LRP1B: variants seen among roughly 807,000 people sequenced by gnomAD.
LRP1B encodes LDL receptor related protein 1B.
In LRP1B, 217 loss-of-function variants were observed where a neutral mutation model predicts 556.6. The ratio of observed to expected loss-of-function variants is 0.39; its 90% CI spans 0.35 to 0.44. LRP1B has a LOEUF of 0.44. LRP1B is among the 20% of genes least tolerant of loss of function. LRP1B has a pLI of 1.00. For missense variants in LRP1B, 5,053 were observed against 5,620.8 expected (o/e 0.90, Z 3.23); for synonymous variants, 2,047 against 1,865.8 (o/e 1.10, Z -2.50).
At chr2:140,754,530 A>T (rs866475856) in intron 35 of LRP1B, among the ~76,000 whole-genome samples, 19 of 152,160 alleles carry the variant, frequency 1.2e-4, no homozygotes, top group African/African-American at 4.6e-4. Context: ...AAAGCATGGA[A>T]ATTCATAAAT....
At chr2:140,485,257 C>A in intron 59 of LRP1B, 86 bp downstream of exon 59, 1 of 975,218 alleles carries the variant, frequency 1.0e-6, no homozygotes, top group East Asian at 2.7e-5. Flanking sequence ...CATTGGATTT[C>A]CATGTTAATG....
At chr2:141,020,435 A>T (rs1303022190) in intron 11 of LRP1B, among the ~76,000 whole-genome samples, 2 of 152,082 alleles carry the variant, frequency 1.3e-5, no homozygotes, top group African/African-American at 2.4e-5. Context: ...AAGTGATAGG[A>T]GCGAAAAAGC....
intron 6 of LRP1B, among the ~76,000 whole-genome samples, chr2:141,205,588 C>T (rs907821274): frequency 1.4e-4 from 21 of 152,088 alleles, no homozygotes; most frequent in African/African-American, 4.6e-4. Context: ...CAGGAGTAAT[C>T]GCAAACTTAA....
chr2:141,468,749 T>A (rs1682339555), intron 3 of LRP1B, among the ~76,000 whole-genome samples: 1 of 152,156 alleles, frequency 6.6e-6, no homozygotes, highest in Non-Finnish European at 1.5e-5. Context: ...GATTTTTTCT[T>A]GGCACTTTCT....
chr2:140,637,349 T>C (rs193273435), intron 41 of LRP1B, among the ~76,000 whole-genome samples: 1 of 152,328 alleles, frequency 6.6e-6, no homozygotes, highest in East Asian at 1.9e-4. Context: ...ACATAACTGG[T>C]AATTTCAATA....
chr2:141,120,058 G>C (rs73962438), intron 7 of LRP1B, among the ~76,000 whole-genome samples: 5,243 of 151,786 alleles, frequency 0.035, 112 homozygotes, highest in South Asian at 0.064. Context: ...CTGCAGTATG[G>C]GTACCTTCCA....
chr2:141,102,120 C>T (rs1264108452), intron 7 of LRP1B, among the ~76,000 whole-genome samples: 1 of 152,104 alleles, frequency 6.6e-6, no homozygotes, highest in Non-Finnish European at 1.5e-5. Flanking sequence ...GTTGCTTATA[C>T]AGAGCTGGAT....
chr2:141,353,878 T>C (rs950463253), intron 3 of LRP1B, among the ~76,000 whole-genome samples: 17 of 152,174 alleles, frequency 1.1e-4, no homozygotes, highest in African/African-American at 3.9e-4. Flanking sequence ...AATCTGAATA[T>C]TAAGAAAATT....
chr2:140,348,922 T>A (rs1289519326), intron 77 of LRP1B, among the ~76,000 whole-genome samples: 1 of 152,040 alleles, frequency 6.6e-6, no homozygotes, highest in East Asian at 1.9e-4. Context: ...TGGAAGACAA[T>A]TTACTTATGA....
intron 2 of LRP1B, among the ~76,000 whole-genome samples, chr2:141,529,458 T>G (rs1684798036): frequency 6.6e-6 from 1 of 152,156 alleles, no homozygotes; most frequent in African/African-American, 2.4e-5. Context: ...TTTGGGATAT[T>G]GAAACTAACT....
At chr2:140,389,545 T>A (rs1288547646) in intron 66 of LRP1B, among the ~76,000 whole-genome samples, 2 of 150,578 alleles carry the variant, frequency 1.3e-5, no homozygotes, top group Non-Finnish European at 3.0e-5. Context: ...ATGAAAAAAA[T>A]GCCTATGAAT....
intron 16 of LRP1B, among the ~76,000 whole-genome samples, chr2:140,990,937 G>A (rs951412136): frequency 4.3e-4 from 66 of 152,162 alleles, no homozygotes; most frequent in Middle Eastern, 6.8e-3. Context: ...TAGCAAATGC[G>A]TGCATTTCCA....
chr2:141,414,938 C>G (rs1346700151), intron 3 of LRP1B, among the ~76,000 whole-genome samples: 4 of 152,204 alleles, frequency 2.6e-5, no homozygotes, highest in Non-Finnish European at 4.4e-5. Context: ...GTATATTTCC[C>G]TATATTTTTC....
At chr2:141,101,983 C>A (rs115677352) in intron 7 of LRP1B, among the ~76,000 whole-genome samples, 1 of 152,066 alleles carries the variant, frequency 6.6e-6, no homozygotes, top group South Asian at 2.1e-4. Flanking sequence ...ACAGATATAA[C>A]GGAGATTAAG....
rs545674200 is a variant in LRP1B at position 140,844,222 on chromosome 2, CA to C, written c.4940-3131del. On this transcript the variant is annotated intron_variant, in intron 29 of 90. Transcript: ENST00000389484. ...GATTACAGGCATGCGCCACCACGCC[CA>C]GCTAATTTTTTTGTATTTTTAGTAG... Among the ~76,000 whole-genome samples, 677 of 152,104 alleles carry C rather than the reference CA, an allele frequency of 4.5e-3. 2 individuals carry two copies. Among genetic ancestry groups the C allele is most frequent in the South Asian group, 6.0e-3 (29 of 4,806 alleles).
intron 7 of LRP1B, among the ~76,000 whole-genome samples, chr2:141,120,376 A>T (rs1056101564): frequency 6.6e-5 from 10 of 151,846 alleles, no homozygotes; most frequent in African/African-American, 2.2e-4. Flanking sequence ...AGGGTTTTTT[A>T]AAATTATTTT....
chr2:141,147,228 C>T (rs1465293749), intron 7 of LRP1B, among the ~76,000 whole-genome samples: 1 of 152,130 alleles, frequency 6.6e-6, no homozygotes, highest in African/African-American at 2.4e-5. Context: ...GCAAGGGCTT[C>T]CTGTGGTTTC....
intron 3 of LRP1B, among the ~76,000 whole-genome samples, chr2:141,318,867 T>C (rs1212309709): frequency 6.6e-6 from 1 of 152,152 alleles, no homozygotes; most frequent in African/African-American, 2.4e-5. Flanking sequence ...CTAAAAGAGA[T>C]GCCTATAGAT....
intron 11 of LRP1B, among the ~76,000 whole-genome samples, chr2:141,035,445 C>A (rs1698504964): frequency 6.6e-6 from 1 of 151,878 alleles, no homozygotes; most frequent in Non-Finnish European, 1.5e-5. Flanking sequence ...TATATTTAGT[C>A]CCTCGTTTCA....
Sources: allele counts gnomAD v4.1 joint callset (sites outside exome capture counted in the v4.1 genomes callset), GRCh38; gene constraint gnomAD v4.1.1; transcripts MANE v1.5; gene names NCBI Gene and HGNC (gene_info 2026-07-23, HGNC 2026-07-21).